DRC1: variants seen among roughly 807,000 people sequenced by gnomAD.
DRC1 encodes the protein dynein regulatory complex subunit 1.
A neutral mutation model predicts 98.7 loss-of-function variants in DRC1; 74 were observed. The observed-to-expected ratio is 0.75, with a 90% CI of 0.62 to 0.91. The LOEUF (loss-of-function observed/expected upper bound fraction) is 0.91. Among genes scored for constraint, DRC1 ranks in the 40% least tolerant of loss-of-function variants. DRC1 has a pLI of 0.00. For synonymous variants in DRC1, 336 were observed against 334.1 expected, an observed-to-expected ratio of 1.01 and a Z score of -0.06; for missense variants, 875 against 886.0, an observed-to-expected ratio of 0.99 and a Z score of 0.16.
intron 7 of DRC1, among the ~76,000 whole-genome samples, chr2:26,432,867 A>G (rs1663471539): frequency 6.6e-6 from 1 of 152,200 alleles, no homozygotes; most frequent in Admixed American, 6.5e-5. Flanking sequence ...AAAGCTATAT[A>G]TCTAGTACAC....
chr2:26,453,159 C>T (rs1055493382), intron 13 of DRC1, among the ~76,000 whole-genome samples, 161 bp from the exon 14 acceptor site: 6 of 152,192 alleles, frequency 3.9e-5, no homozygotes, highest in Non-Finnish European at 8.8e-5. Flanking sequence ...TCCCATCCCC[C>T]TTCTTCCCAC....
At chr2:26,429,804 G>A (rs775451715) in intron 5 of DRC1, 39 bp downstream of exon 5, 4 of 1,607,804 alleles carry the variant, frequency 2.5e-6, no homozygotes, top group Non-Finnish European at 3.4e-6. Flanking sequence ...TGCTCTTGGA[G>A]GGCCCCTGGG....
At chr2:26,407,146 G>T (rs922601083) in intron 1 of DRC1, among the ~76,000 whole-genome samples, 1 of 152,020 alleles carries the variant, frequency 6.6e-6, no homozygotes, top group Non-Finnish European at 1.5e-5. Context: ...GGGTAAAGAT[G>T]CGAGATGGAA....
intron 13 of DRC1, among the ~76,000 whole-genome samples, chr2:26,451,958 T>C (rs1025771405): frequency 6.6e-6 from 1 of 151,968 alleles, no homozygotes; most frequent in Non-Finnish European, 1.5e-5. Flanking sequence ...AGATAACAAA[T>C]ATGAATGAAC....
In DRC1 at chr2:26,453,886, C is replaced by T. The variant is rs11684070; in HGVS notation, c.1919+337C>T. 0.63 allele frequency among the ~76,000 whole-genome samples: 95,902 copies of T among 152,116 alleles called. 33,304 individuals are homozygous for T. Among genetic ancestry groups the T allele is most frequent in the Non-Finnish European group, 0.78 (52,853 of 68,002 alleles). On this transcript the variant is annotated intron_variant, in intron 14 of 16. Coordinates refer to ENST00000288710, the MANE Select transcript of DRC1 (RefSeq NM_145038.5). ...ACCATTGTTCAGAGGAGGAAGTGGC[C>T]GTTTCCATTTGGCATGTCAGAGGGT...
intron 1 of DRC1, among the ~76,000 whole-genome samples, chr2:26,411,137 G>A (rs1231409129): frequency 6.6e-6 from 1 of 152,212 alleles, no homozygotes; most frequent in African/African-American, 2.4e-5. Context: ...GCCCCCAGGA[G>A]GGAGGGAGCT....
chr2:26,444,095 G>A lies in DRC1; in HGVS notation c.1029-127G>A, dbSNP rs1028526670. The A allele has an allele frequency of 1.4e-5, 19 of 1,319,378 alleles. No homozygotes were observed. The Admixed American group carries it at 4.3e-4, about 30-fold the overall frequency. The allele number at this position is 1,319,378 out of a possible 1,614,324, so 81.7% of individuals were successfully genotyped here. A position where few individuals can be genotyped will look rare whatever the true frequency, so the allele number is the denominator to read the frequency against. On this transcript the variant is annotated intron_variant, in intron 8 of 16. Coordinates refer to ENST00000288710, the MANE Select transcript of DRC1 (RefSeq NM_145038.5). The stretch of plus-strand genomic sequence containing the variant: ...ATGGGATCTGTGTTTTGGAATATAT[G>A]GGAGGGTTTTCTGCTCTTCCACAGA...
At chr2:26,431,327 C>T (rs941849022) in intron 6 of DRC1, among the ~76,000 whole-genome samples, 29 of 152,138 alleles carry the variant, frequency 1.9e-4, no homozygotes, top group Non-Finnish European at 3.8e-4. Context: ...CTAGCTAATC[C>T]GTGTGGCCTT....
At chr2:26,402,296 C>T (rs1361479404) in intron 1 of DRC1, 152 bp downstream of exon 1, 7 of 1,291,332 alleles carry the variant, frequency 5.4e-6, no homozygotes, top group Non-Finnish European at 5.1e-6. Flanking sequence ...CGCCTGTCAT[C>T]CCAGCACTTA....
intron 1 of DRC1, among the ~76,000 whole-genome samples, chr2:26,406,425 A>G (rs1470032689): frequency 6.6e-6 from 1 of 152,162 alleles, no homozygotes; most frequent in Non-Finnish European, 1.5e-5. Flanking sequence ...TATAAAGAGT[A>G]CAGCCGGGCG....
rs116119084 is a variant in DRC1 at position 26,454,728 on chromosome 2, A to G, written c.2001A>G (p.Thr667=). Residue 667 remains threonine (T), a synonymous_variant, in exon 15 of 17, where the codon ACA becomes ACG. Transcript: ENST00000288710. The surrounding 1 kb of genome is among the most constrained non-coding windows in gnomAD (Gnocchi z 5.2). The part of the protein sequence containing the change: ...KDSEYWQALT[T]VIPSSKQNLW... ...CGGAGTACTGGCAGGCCCTGACCAC[A>G]GTGATCCCTTCCTCCAAGCAGAACC... 4,380 of 1,614,096 alleles carry G rather than the reference A, an allele frequency of 2.7e-3. 115 individuals are homozygous for G. The African/African-American group carries it at 0.052, about 19-fold the overall frequency.
At chr2:26,446,806 C>T (rs1038407794) in intron 10 of DRC1, among the ~76,000 whole-genome samples, 11 of 152,134 alleles carry the variant, frequency 7.2e-5, no homozygotes, top group Admixed American at 7.2e-4. Context: ...TTAAAGTCAC[C>T]TGGAGCCAGG....
chr2:26,430,958 C>CTTTTTTTTTTTT (rs5830013), intron 6 of DRC1, 86 bp downstream of exon 6: 17 of 344,830 alleles, frequency 4.9e-5, no homozygotes, highest in African/African-American at 1.5e-4. Context: ...CTTTTTCTAT[C>CTTTTTTTTTTTT]TTTTTTTTTT....
At chr2:26,452,822 A>T (rs1201422962) in intron 13 of DRC1, among the ~76,000 whole-genome samples, 2 of 152,208 alleles carry the variant, frequency 1.3e-5, no homozygotes, top group Non-Finnish European at 2.9e-5. Context: ...TGATGTCAAA[A>T]CGAGAAGGAG....
intron 5 of DRC1, chr2:26,430,385 C>T: frequency 2.5e-6 from 1 of 403,192 alleles, no homozygotes; most frequent in Non-Finnish European, 5.1e-6. Flanking sequence ...CTAAACCTAC[C>T]CCTTGTGAGT....
rs548209014 is a variant in DRC1 at position 26,439,936 on chromosome 2, T to TATATATATATATATATATATATATATAC, written c.889-441_889-440insTATATATATATATATATATATATATACA. 4.1e-3 allele frequency among the ~76,000 whole-genome samples: 307 copies of TATATATATATATATATATATATATATAC among 75,356 alleles called. 15 individuals are homozygous for TATATATATATATATATATATATATATAC. The highest frequency in any genetic ancestry group is 6.6e-3 in the Middle Eastern group (1 of 152). The allele number at this position is 75,356 out of a possible 152,430, so 49.4% of individuals were successfully genotyped here. A position where few individuals can be genotyped will look rare whatever the true frequency, so the allele number is the denominator to read the frequency against. The stretch of plus-strand genomic sequence containing the variant: ...ACTAGTGTGTGAATATATATATATA[T>TATATATATATATATATATATATATATAC]ACACACACACATACACACACACACA... On this transcript the variant is annotated intron_variant, in intron 7 of 16. Coordinates refer to ENST00000288710, the MANE Select transcript of DRC1 (RefSeq NM_145038.5).
rs1663694768 is a variant in DRC1 at position 26,440,602 on chromosome 2, T to A, written c.1028+85T>A. ...TATGTACTTTTTTCTATTGAAGGGG[T>A]AGAAACCATTAAAAATATAACCAAC... On this transcript the variant is annotated intron_variant, in intron 8 of 16. Transcript: ENST00000288710. 2.1e-6 allele frequency: 3 copies of A among 1,416,446 alleles called. No individual in the cohort carries two copies. In the South Asian group the frequency reaches 5.5e-5, roughly 26 times the overall value. The allele number at this position is 1,416,446 out of a possible 1,614,324, so 87.7% of individuals were successfully genotyped here.
At chr2:26,415,103 A>C (rs2147980449) in intron 2 of DRC1, among the ~76,000 whole-genome samples, 1 of 152,282 alleles carries the variant, frequency 6.6e-6, no homozygotes, top group East Asian at 1.9e-4. Context: ...TGAGAATGAG[A>C]GCCTCTTTTT....
At chr2:26,446,566 T>C (rs1200154196) in intron 10 of DRC1, among the ~76,000 whole-genome samples, 1 of 150,708 alleles carries the variant, frequency 6.6e-6, no homozygotes, top group East Asian at 1.9e-4. Context: ...AGGATTTTTA[T>C]TTAACAGTAT....
Sources: allele counts gnomAD v4.1 joint callset (sites outside exome capture counted in the v4.1 genomes callset), GRCh38; gene constraint gnomAD v4.1.1; non-coding constraint Gnocchi (gnomAD v3.1); transcripts MANE v1.5; gene names NCBI Gene and HGNC (gene_info 2026-07-23, HGNC 2026-07-21).